The following ERLEC1 variants were observed in gnomAD, a reference collection of about 807,000 sequenced individuals.
ERLEC1 encodes endoplasmic reticulum lectin 1.
ERLEC1 carries 47 observed loss-of-function variants against 68.0 expected under a neutral mutation model. The observed-to-expected ratio is 0.69, with a 90% CI of 0.55 to 0.88. The LOEUF (loss-of-function observed/expected upper bound fraction) is 0.88, where lower values mean the gene tolerates loss of function less well. Among genes scored for constraint, ERLEC1 ranks in the 40% least tolerant of loss-of-function variants. The pLI is 0.00. For synonymous variants in ERLEC1, 225 were observed against 203.2 expected, an observed-to-expected ratio of 1.11 and a Z score of -0.91; for missense variants, 567 against 583.8, an observed-to-expected ratio of 0.97 and a Z score of 0.30.
intron 1 of ERLEC1, among the ~76,000 whole-genome samples, chr2:53,791,906 TAAAAAAAAAAAAA>T (rs569591198): frequency 4.2e-5 from 5 of 117,762 alleles, no homozygotes; most frequent in Non-Finnish European, 6.7e-5. Flanking sequence ...AATGCTCTTT[TAAAAAAAAAAAAA>T]AAAAAAAAAA....
intron 2 of ERLEC1, among the ~76,000 whole-genome samples, chr2:53,795,104 T>C (rs1009514485): frequency 1.3e-5 from 2 of 152,256 alleles, no homozygotes; most frequent in Admixed American, 6.5e-5. Context: ...AGGTACCCCA[T>C]GCTTTCTCAT....
intron 13 of ERLEC1, among the ~76,000 whole-genome samples, 166 bp from the exon 14 acceptor site, chr2:53,817,732 A>G (rs1250489084): frequency 6.6e-5 from 10 of 152,142 alleles, no homozygotes; most frequent in Non-Finnish European, 4.4e-5. Flanking sequence ...TGGATGACTA[A>G]AAGTTGTTTT....
intron 12 of ERLEC1, 64 bp from the exon 13 acceptor site, chr2:53,814,796 A>G: frequency 8.0e-7 from 1 of 1,248,644 alleles, no homozygotes; most frequent in Non-Finnish European, 1.2e-6. Context: ...TTAAGAGTAC[A>G]GTTATTAACA....
Position 53,799,049 on chromosome 2 carries a change from C to G in ERLEC1, c.493C>G (p.Arg165Gly). Reference protein sequence around the residue: ...LAKNLLFEKEREAEEKEKSNE... With the variant: ...LAKNLLFEKEGEAEEKEKSNE... The stretch of plus-strand genomic sequence containing the variant: ...ACACTTACCTTATTATTCCACAGAA[C>G]GAGAAGCAGAAGAAAAGGAAAAATC... The change falls in exon 6 of 14, where the codon CGA becomes GGA. Residue 165 changes from arginine to glycine, a missense_variant and splice_region_variant. Coordinates refer to ENST00000185150, the MANE Select transcript of ERLEC1 (RefSeq NM_015701.5). The G allele has an allele frequency of 6.2e-7, 1 of 1,612,192 alleles. No homozygotes were observed.
At chr2:53,803,674 C>T (rs1278033784) in intron 8 of ERLEC1, among the ~76,000 whole-genome samples, 3 of 151,924 alleles carry the variant, frequency 2.0e-5, no homozygotes, top group Non-Finnish European at 4.4e-5. Context: ...ACACAGCAGG[C>T]TGAAGTAGGA....
At chr2:53,797,647 A>G in intron 4 of ERLEC1, 55 bp downstream of exon 4, 2 of 1,568,802 alleles carry the variant, frequency 1.3e-6, no homozygotes. Context: ...GAACTTTAAT[A>G]ATGAGATTGA....
chr2:53,804,630 A>C (rs147614521), intron 8 of ERLEC1, among the ~76,000 whole-genome samples: 228 of 152,272 alleles, frequency 1.5e-3, no homozygotes, highest in Non-Finnish European at 1.9e-3. Flanking sequence ...CACATCTTGG[A>C]GAATGAGGTA....
chr2:53,792,765 C>G lies in ERLEC1; in HGVS notation c.163-1580C>G, dbSNP rs1043738418. 2.6e-5 allele frequency among the ~76,000 whole-genome samples: 4 copies of G among 152,182 alleles called. No individual in the cohort carries two copies. The East Asian group carries it at 7.7e-4, about 29-fold the overall frequency. On this transcript the variant is annotated intron_variant, in intron 1 of 13. Transcript: ENST00000185150. The stretch of plus-strand genomic sequence containing the variant: ...AGGGCAGTGGCTCACGCCTGTAATC[C>G]CAACACTTTGGGAGACAGAGGCTGA...
chr2:53,817,285 C>T (rs1025244832), intron 13 of ERLEC1, among the ~76,000 whole-genome samples: 1 of 152,064 alleles, frequency 6.6e-6, no homozygotes. Context: ...AGGCATGTCC[C>T]ACCACGCCTG....
chr2:53,790,340 C>T (rs1316200128), intron 1 of ERLEC1, among the ~76,000 whole-genome samples: 4 of 152,044 alleles, frequency 2.6e-5, no homozygotes, highest in South Asian at 2.1e-4. Context: ...TCAAGTGATC[C>T]GCCCACCTCG....
chr2:53,787,369 T>G lies in ERLEC1; in HGVS notation c.159T>G (p.Ser53=), dbSNP rs772898610. The G allele has an allele frequency of 1.2e-6, 2 of 1,610,406 alleles. No individual in the cohort carries two copies. Among genetic ancestry groups the G allele is most frequent in the East Asian group, 2.2e-5 (1 of 44,854 alleles). ...TCAACTGGCCCGGCACCGAGTTCTCTCTGGTCAGTGCCCTCACTAACCCCG... is the reference window on the plus strand; with the variant it reads ...TCAACTGGCCCGGCACCGAGTTCTCGCTGGTCAGTGCCCTCACTAACCCCG... ...FRVNWPGTEF[S]LPTTGVLYKE... The change falls in exon 1 of 14, where the codon TCT becomes TCG. Residue 53 remains serine (S), a synonymous_variant. Transcript: ENST00000185150.
At chr2:53,800,523 G>A (rs1573080674) in intron 6 of ERLEC1, among the ~76,000 whole-genome samples, 1 of 151,964 alleles carries the variant, frequency 6.6e-6, no homozygotes, top group African/African-American at 2.4e-5. Flanking sequence ...ATACATATAA[G>A]GAAATCTCAA....
intron 1 of ERLEC1, among the ~76,000 whole-genome samples, chr2:53,790,290 G>T (rs1183392453): frequency 6.6e-6 from 1 of 152,036 alleles, no homozygotes; most frequent in African/African-American, 2.4e-5. Flanking sequence ...TAGAGATGAG[G>T]TTTCACCATT....
At chr2:53,797,834 T>C (rs1283431911) in intron 5 of ERLEC1, 39 bp downstream of exon 5, 2 of 1,538,072 alleles carry the variant, frequency 1.3e-6, no homozygotes. Flanking sequence ...AATGCTGGAA[T>C]TTGGTTTAAA....
At chr2:53,789,066 C>T (rs1038936627) in intron 1 of ERLEC1, among the ~76,000 whole-genome samples, 3 of 151,984 alleles carry the variant, frequency 2.0e-5, no homozygotes, top group African/African-American at 7.3e-5. Flanking sequence ...ATTTGCTACA[C>T]CAACTTTTCA....
intron 11 of ERLEC1, 43 bp downstream of exon 11, chr2:53,813,116 T>C: frequency 1.3e-6 from 2 of 1,579,604 alleles, no homozygotes; most frequent in Non-Finnish European, 1.7e-6. Context: ...ATTACTACAA[T>C]TTCTAAAACT....
intron 1 of ERLEC1, among the ~76,000 whole-genome samples, chr2:53,789,650 C>T (rs1366339476): frequency 1.3e-5 from 2 of 151,986 alleles, no homozygotes; most frequent in Non-Finnish European, 2.9e-5. Flanking sequence ...TAAAAATAAG[C>T]CACAATAGTC....
At chr2:53,808,231 T>G in intron 8 of ERLEC1, 68 bp from the exon 9 acceptor site, 9 of 1,519,512 alleles carry the variant, frequency 5.9e-6, no homozygotes, top group Non-Finnish European at 8.0e-6. Context: ...AATAATAACT[T>G]AAGCCATAAC....
chr2:53,800,348 C>T (rs1013485480), intron 6 of ERLEC1, among the ~76,000 whole-genome samples: 2 of 151,950 alleles, frequency 1.3e-5, no homozygotes, highest in African/African-American at 4.8e-5. Flanking sequence ...TATATAAGGT[C>T]CATTGTTGAC....
Sources: allele counts gnomAD v4.1 joint callset (sites outside exome capture counted in the v4.1 genomes callset), GRCh38; gene constraint gnomAD v4.1.1; transcripts MANE v1.5; gene names NCBI Gene and HGNC (gene_info 2026-07-23, HGNC 2026-07-21).